Variants in BLM observed in about 807,000 individuals in gnomAD.
The protein encoded by BLM is BLM RecQ like helicase.
Under a neutral mutation model 135.3 loss-of-function variants are expected in BLM, and 95 were observed. The observed-to-expected ratio is 0.70, with a 90% CI of 0.59 to 0.83. BLM has a LOEUF of 0.83. Among genes scored for constraint, BLM ranks in the 40% least tolerant of loss-of-function variants. The pLI is 0.00. For missense variants in BLM, 1,518 were observed against 1,663.9 expected (o/e 0.91, Z 1.53); for synonymous variants, 520 against 589.2 (o/e 0.88, Z 1.70).
chr15:90,782,813 CT>C lies in BLM; in HGVS notation c.2556-3del. On this transcript the variant is annotated splice_polypyrimidine_tract_variant and splice_region_variant and intron_variant, in intron 12 of 21. Coordinates refer to ENST00000355112, the MANE Select transcript of BLM (RefSeq NM_000057.4). ...TAATAACTAAATTTTATGTTTGGGA[CT>C]TTTTTAGGTTTAGCATGAGCTTTAA... The C allele has an allele frequency of 6.3e-7, 1 of 1,593,212 alleles. No homozygotes were observed.
chr15:90,798,219 T>C lies in BLM; in HGVS notation c.3240T>C (p.Asp1080=), dbSNP rs1436960569. The C allele has an allele frequency of 1.9e-6, 3 of 1,609,006 alleles. No individual in the cohort carries two copies. Among genetic ancestry groups the C allele is most frequent in the African/African-American group, 1.3e-5 (1 of 74,902 alleles). The change falls in exon 17 of 22, where the codon GAT becomes GAC. Residue 1080 remains aspartate, a synonymous_variant. Transcript: ENST00000355112. ...ATAAAACAAGAGATGTGACTGACGA[T>C]GTGAAAAGTATTGTAAGATTTGTTC... ...KDYKTRDVTD[D]VKSIVRFVQE...
chr15:90,726,397 T>C (rs1894916997), intron 1 of BLM, among the ~76,000 whole-genome samples: 1 of 152,184 alleles, frequency 6.6e-6, no homozygotes, highest in Non-Finnish European at 1.5e-5. Context: ...GCCTCCCAAG[T>C]AGCTAGGATT....
At chr15:90,778,232 C>T (rs1179001365) in intron 12 of BLM, among the ~76,000 whole-genome samples, 1 of 152,142 alleles carries the variant, frequency 6.6e-6, no homozygotes, top group African/African-American at 2.4e-5. Flanking sequence ...GTTCTAATCT[C>T]ATGTCATTTT....
At chr15:90,791,308 C>T (rs746313154) in intron 15 of BLM, among the ~76,000 whole-genome samples, 18 of 152,142 alleles carry the variant, frequency 1.2e-4, no homozygotes, top group East Asian at 1.9e-4. Context: ...TTGTCTCATC[C>T]GTCCTCTCCC....
At chr15:90,802,415 G>A (rs1453518074) in intron 17 of BLM, among the ~76,000 whole-genome samples, 1 of 152,184 alleles carries the variant, frequency 6.6e-6, no homozygotes, top group Non-Finnish European at 1.5e-5. Context: ...TGAAACAAAG[G>A]ATCCAGCCAA....
rs767771169 is a variant in BLM, at chr15:90,803,707, A to C, written c.3545A>C (p.Asn1182Thr). Residue 1182 changes from asparagine to threonine, a missense_variant, in exon 18 of 22, where the codon AAT becomes ACT. Around this residue, in one of 5 missense-constraint regions of BLM, gnomAD observed 626 missense variants for 681.1 expected, o/e 0.92. Coordinates refer to ENST00000355112, the MANE Select transcript of BLM (RefSeq NM_000057.4). ...GGAAATAAAGCCCAAACTGTACTAA[A>C]TGGCAATTTAAAGGTATAGTATTTT... ...MLGNKAQTVL[N>T]GNLKVDFMET... The C allele has an allele frequency of 1.9e-6, 3 of 1,614,106 alleles. No homozygotes were observed. Among genetic ancestry groups the C allele is most frequent in the Non-Finnish European group, 2.5e-6 (3 of 1,179,962 alleles).
chr15:90,755,421 A>C (rs1470907529), intron 5 of BLM: 1 of 159,392 alleles, frequency 6.3e-6, no homozygotes, highest in Non-Finnish European at 1.4e-5. Flanking sequence ...ATATACTCTG[A>C]GTCTAGGTCT....
At chr15:90,804,029 C>T in intron 18 of BLM, 138 bp from the exon 19 acceptor site, 2 of 810,332 alleles carry the variant, frequency 2.5e-6, no homozygotes, top group Non-Finnish European at 4.0e-6. Flanking sequence ...ATGCACAGCC[C>T]CTGTTCCCAG....
chr15:90,796,504 T>A (rs1897030719), intron 16 of BLM, among the ~76,000 whole-genome samples: 1 of 152,174 alleles, frequency 6.6e-6, no homozygotes, highest in Admixed American at 6.5e-5. Flanking sequence ...AAATAATAAA[T>A]ACACCAATTT....
chr15:90,761,216 CAA>C lies in BLM; in HGVS notation c.1846_1847del (p.Asn616TyrfsTer12). 1 of 1,531,452 alleles carries C rather than the reference CAA, an allele frequency of 6.5e-7. No individual in the cohort carries two copies. The highest frequency in any genetic ancestry group is 8.7e-7 in the Non-Finnish European group (1 of 1,143,588). The allele number at this position is 1,531,452 out of a possible 1,614,324, so 94.9% of individuals were successfully genotyped here. A position where few individuals can be genotyped will look rare whatever the true frequency, so the allele number is the denominator to read the frequency against. On this transcript the variant is annotated frameshift_variant, in exon 7 of 22. Transcript: ENST00000355112. LOFTEE classifies it high-confidence loss of function. ...CTGTCTTCCAGTGTCATCTACTGCTCAAAATATAAACTTCTCAGAGTCAATTC... is the reference window on the plus strand; with the variant it reads ...CTGTCTTCCAGTGTCATCTACTGCTCAATATAAACTTCTCAGAGTCAATTC... Reference protein sequence around the residue: ...TDCLPVSSTAQNINFSESIQN... With the variant: ...TDCLPVSSTAXNINFSESIQN...
intron 1 of BLM, among the ~76,000 whole-genome samples, chr15:90,739,562 A>G (rs1348118362): frequency 2.0e-5 from 3 of 152,204 alleles, no homozygotes; most frequent in Non-Finnish European, 4.4e-5. Context: ...CTCACAACAT[A>G]GATAAAGCTT....
In BLM at chr15:90,810,646, G is replaced by T. The variant is rs559870854; in HGVS notation, c.3875-559G>T. 1.1e-4 allele frequency among the ~76,000 whole-genome samples: 16 copies of T among 152,180 alleles called. No homozygotes were observed. In the East Asian group the frequency reaches 1.2e-3, roughly 11 times the overall value. ...GTGCTTTCATGCGGTCTCACCTCCC[G>T]CATAATATGTGACATGTTCAGCCAT... On this transcript the variant is annotated intron_variant, in intron 20 of 21. Transcript: ENST00000355112.
intron 15 of BLM, 104 bp from the exon 16 acceptor site, chr15:90,794,060 TTTC>T: frequency 1.3e-6 from 1 of 747,882 alleles, no homozygotes; most frequent in Non-Finnish European, 2.1e-6. Context: ...TAACAGTAAT[TTTC>T]TTATTTAATA....
intron 20 of BLM, among the ~76,000 whole-genome samples, chr15:90,810,947 C>G (rs1210149350): frequency 2.0e-5 from 3 of 152,174 alleles, no homozygotes; most frequent in Non-Finnish European, 2.9e-5. Context: ...CCTCATGTCT[C>G]TAGTTAACTT....
At chr15:90,794,091 C>A in intron 15 of BLM, 76 bp from the exon 16 acceptor site, 1 of 1,067,524 alleles carries the variant, frequency 9.4e-7, no homozygotes, top group Non-Finnish European at 1.4e-6. Flanking sequence ...TTATATGAAT[C>A]TATTCTAAAT....
At chr15:90,742,643 C>CT (rs199621817) in intron 1 of BLM, among the ~76,000 whole-genome samples, 1,856 of 150,370 alleles carry the variant, frequency 0.012, 37 homozygotes, top group African/African-American at 0.043. Flanking sequence ...TACTTTTATT[C>CT]TTTTTTTATT....
At chr15:90,812,342 C>T (rs958973714) in intron 21 of BLM, among the ~76,000 whole-genome samples, 2 of 152,180 alleles carry the variant, frequency 1.3e-5, no homozygotes, top group Non-Finnish European at 1.5e-5. Context: ...TTCTGTCTTC[C>T]CCTTCCCATG....
intron 9 of BLM, 112 bp downstream of exon 9, chr15:90,765,526 G>C (rs1896101554): frequency 4.5e-6 from 4 of 885,288 alleles, no homozygotes; most frequent in Non-Finnish European, 7.2e-6. Flanking sequence ...AAGCACAGCA[G>C]TTAAATTTGC....
chr15:90,794,793 T>C (rs28385106), intron 16 of BLM, among the ~76,000 whole-genome samples: 25,779 of 145,500 alleles, frequency 0.18, 2,276 homozygotes, highest in African/African-American at 0.2. Context: ...ATATTTTAAA[T>C]ATTTAATTAA....
Sources: gnomAD v4.1 joint callset for allele counts (sites outside exome capture counted in the v4.1 genomes callset) on GRCh38, gnomAD v4.1.1 for gene constraint, gnomAD v4.1.1 regional missense constraint, MANE v1.5 for transcripts, NCBI Gene and HGNC (gene_info 2026-07-23, HGNC 2026-07-21) for gene names.